ARHGEF7: variants seen among roughly 807,000 people sequenced by gnomAD.
ARHGEF7 encodes the protein Rho guanine nucleotide exchange factor 7.
A neutral mutation model predicts 109.8 loss-of-function variants in ARHGEF7; 33 were observed. The ratio of observed to expected loss-of-function variants is 0.30; its 90% confidence interval spans 0.23 to 0.40. ARHGEF7 has a LOEUF of 0.40. ARHGEF7 is among the 10% of genes least tolerant of loss of function. The pLI is 1.00. For synonymous variants in ARHGEF7, 458 were observed against 424.6 expected (o/e 1.08, Z -0.97); for missense variants, 938 against 1,098.5 (o/e 0.85, Z 2.07).
At chr13:111,298,815 A>C (rs1255835245) in intron 19 of ARHGEF7, among the ~76,000 whole-genome samples, 1 of 152,184 alleles carries the variant, frequency 6.6e-6, no homozygotes. Flanking sequence ...GTGGAGACAC[A>C]ACAGCATGAG....
At chr13:111,222,396 A>G (rs548168043) in intron 5 of ARHGEF7, among the ~76,000 whole-genome samples, 4 of 152,236 alleles carry the variant, frequency 2.6e-5, no homozygotes, top group Admixed American at 2.0e-4. Flanking sequence ...ATTGTATGGA[A>G]AGTCATGCTA....
chr13:111,272,065 A>T lies in ARHGEF7; in HGVS notation c.1074-1749A>T, dbSNP rs780513748. Among the ~76,000 whole-genome samples, 1 of 152,192 alleles carries T rather than the reference A, an allele frequency of 6.6e-6. No homozygotes were observed. The highest frequency in any genetic ancestry group is 1.5e-5 in the Non-Finnish European group (1 of 68,032). On this transcript the variant is annotated intron_variant, in intron 9 of 21. Transcript: ENST00000646102. This position sits in a 1 kb window ranked among gnomAD's most constrained non-coding sequence, Gnocchi z 5.2. ...CTCAGAAGGTCTTACGTGCTTAGGA[A>T]GTGGAAGGCTGGTTTCCTAATGACT...
chr13:111,252,128 A>G (rs375125893), intron 8 of ARHGEF7, among the ~76,000 whole-genome samples: 2 of 152,354 alleles, frequency 1.3e-5, no homozygotes, highest in African/African-American at 4.8e-5. Flanking sequence ...TTCCATAGAA[A>G]GCACTAGTTA....
chr13:111,296,515 G>A (rs928841467), intron 19 of ARHGEF7, among the ~76,000 whole-genome samples: 4 of 152,120 alleles, frequency 2.6e-5, no homozygotes, highest in African/African-American at 9.7e-5. Context: ...GTGCTGGATT[G>A]GTGTTAAGTA....
intron 5 of ARHGEF7, among the ~76,000 whole-genome samples, chr13:111,230,289 A>G (rs1045880442): frequency 6.6e-6 from 1 of 152,156 alleles, no homozygotes. Context: ...TAGCTACCAG[A>G]TGGGCCAAAA....
At chr13:111,285,647 C>T (rs886138666) in intron 16 of ARHGEF7, among the ~76,000 whole-genome samples, 12 of 152,166 alleles carry the variant, frequency 7.9e-5, no homozygotes, top group East Asian at 1.9e-4. Context: ...GCTGAGCACT[C>T]GCTCCCTTTT....
chr13:111,229,028 T>A lies in ARHGEF7; in HGVS notation c.671-4177T>A, dbSNP rs533853867. 2.4e-4 allele frequency among the ~76,000 whole-genome samples: 37 copies of A among 152,016 alleles called. No homozygotes were observed. In the South Asian group the frequency reaches 3.7e-3, roughly 15 times the overall value. ...TGTTCTTCTCAAAAGAGGCAGAAAT[T>A]CCCAGCCCTGTGATGGTGGAGCTGC... On this transcript the variant is annotated intron_variant, in intron 5 of 21. Transcript: ENST00000646102.
At chr13:111,247,860 T>A (rs1258605515) in intron 8 of ARHGEF7, among the ~76,000 whole-genome samples, 4 of 152,234 alleles carry the variant, frequency 2.6e-5, no homozygotes, top group African/African-American at 9.6e-5. Flanking sequence ...CTCCTTGGCT[T>A]TTTATAGAAA....
At chr13:111,174,801 G>A (rs1023735510) in intron 2 of ARHGEF7, among the ~76,000 whole-genome samples, 38 of 152,178 alleles carry the variant, frequency 2.5e-4, no homozygotes, top group African/African-American at 7.5e-4. Flanking sequence ...AGGAAACACC[G>A]GGAGGTCCTT....
intron 2 of ARHGEF7, among the ~76,000 whole-genome samples, chr13:111,187,969 T>G (rs2079444483): frequency 6.6e-6 from 1 of 152,220 alleles, no homozygotes; most frequent in South Asian, 2.1e-4. Flanking sequence ...CCTTCTGTAG[T>G]TGGAGCCTTG....
At chr13:111,232,772 TAGAG>T (rs995683688) in intron 5 of ARHGEF7, among the ~76,000 whole-genome samples, 1 of 152,180 alleles carries the variant, frequency 6.6e-6, no homozygotes, top group Non-Finnish European at 1.5e-5. Flanking sequence ...CTTGCTTGTT[TAGAG>T]AGACTTTTCC....
rs150768190 is a variant in ARHGEF7 at position 111,271,026 on chromosome 13, G to A, written c.1074-2788G>A. ...CATGCCATCCACATAGCAGGGGTCC[G>A]CCTGGGGTGCAGAGCGTCAGCTGTT... On this transcript the variant is annotated intron_variant, in intron 9 of 21. Transcript: ENST00000646102. Among the ~76,000 whole-genome samples the A allele has an allele frequency of 4.2e-3, 645 of 152,316 alleles. 4 individuals are homozygous for A. The highest frequency in any genetic ancestry group is 5.4e-3 in the Admixed American group (83 of 15,304).
At chr13:111,233,533 G>A (rs980605302) in intron 6 of ARHGEF7, among the ~76,000 whole-genome samples, 4 of 151,982 alleles carry the variant, frequency 2.6e-5, no homozygotes, top group Non-Finnish European at 5.9e-5. Context: ...CTCTTGTCCC[G>A]TAACATAGTA....
chr13:111,120,834 C>T (rs1285071076), intron 1 of ARHGEF7, among the ~76,000 whole-genome samples: 1 of 152,202 alleles, frequency 6.6e-6, no homozygotes, highest in Non-Finnish European at 1.5e-5. Flanking sequence ...GATGAGGACC[C>T]TGAGGTCTGG....
intron 8 of ARHGEF7, among the ~76,000 whole-genome samples, chr13:111,260,813 G>C (rs1255595406): frequency 6.6e-6 from 1 of 152,180 alleles, no homozygotes; most frequent in Non-Finnish European, 1.5e-5. Flanking sequence ...TAAGATATAA[G>C]TAGAAACAAC....
At chr13:111,235,541 T>C (rs1214031819) in intron 6 of ARHGEF7, among the ~76,000 whole-genome samples, 4 of 152,306 alleles carry the variant, frequency 2.6e-5, no homozygotes, top group African/African-American at 9.6e-5. Flanking sequence ...CATTTATAAA[T>C]AGCACATGGT....
rs1242900668 is a variant in ARHGEF7 at position 111,235,806 on chromosome 13, T to C, written c.759+2513T>C. ...TGTTAGGCATTTCTACACCCCCTTT[T>C]GTAGTTTCGTTTTCACAGAAAACTA... On this transcript the variant is annotated intron_variant, in intron 6 of 21. Coordinates refer to ENST00000646102, the MANE Select transcript of ARHGEF7 (RefSeq NM_001354046.2). Among the ~76,000 whole-genome samples the C allele has an allele frequency of 2.0e-5, 3 of 152,234 alleles. No homozygotes were observed. The East Asian group carries it at 5.8e-4, about 29-fold the overall frequency.
chr13:111,181,696 A>C (rs1246860663), intron 2 of ARHGEF7, among the ~76,000 whole-genome samples: 1 of 152,200 alleles, frequency 6.6e-6, no homozygotes, highest in Non-Finnish European at 1.5e-5. Context: ...GGAACAGTGC[A>C]CTGAAGTGGA....
At chr13:111,249,759 G>A (rs1171342089) in intron 8 of ARHGEF7, among the ~76,000 whole-genome samples, 1 of 152,160 alleles carries the variant, frequency 6.6e-6, no homozygotes, top group African/African-American at 2.4e-5. Context: ...CTCCTTGTGA[G>A]CACTTTGTGA....
Sources: allele counts gnomAD v4.1 joint callset (sites outside exome capture counted in the v4.1 genomes callset), GRCh38; gene constraint gnomAD v4.1.1; non-coding constraint Gnocchi (gnomAD v3.1); transcripts MANE v1.5; gene names NCBI Gene and HGNC (gene_info 2026-07-23, HGNC 2026-07-21).